The following HK1 variants were observed in gnomAD, a reference collection of about 807,000 sequenced individuals.
HK1 encodes the protein hexokinase-1.
Under a neutral mutation model 91.6 loss-of-function variants are expected in HK1, and 28 were observed. That is an observed-to-expected ratio of 0.31 (90% CI 0.23 to 0.42). The LOEUF (loss-of-function observed/expected upper bound fraction) is 0.42, where lower values mean the gene tolerates loss of function less well. Ranked by LOEUF, HK1 falls within the 10% of genes least tolerant of loss-of-function variation. HK1 has a pLI of 1.00. For synonymous variants in HK1, 430 were observed against 468.1 expected, an observed-to-expected ratio of 0.92 and a Z score of 1.05; for missense variants, 770 against 1,219.8, an observed-to-expected ratio of 0.63 and a Z score of 5.49.
Position 69,369,597 on chromosome 10 carries a change from G to A in HK1, c.848G>A (p.Arg283Gln), listed in dbSNP as rs778352005. ...IRTEFDREID[R>Q]GSLNPGKQLF... Reference sequence around the variant, plus strand: ...ACAGAGTTTGACAGGGAGATAGACCGGGGATCCCTCAACCCTGGAAAACAG... The same window carrying A: ...ACAGAGTTTGACAGGGAGATAGACCAGGGATCCCTCAACCCTGGAAAACAG... Residue 283 changes from arginine to glutamine, a missense_variant, in exon 7 of 18, where the codon CGG (arginine) becomes CAG (glutamine). By Grantham distance (43) the Arg-to-Gln change is conservative. Coordinates refer to ENST00000359426, the MANE Select transcript of HK1 (RefSeq NM_000188.3). This position sits in a 1 kb window ranked among gnomAD's most constrained non-coding sequence, Gnocchi z 4.4. 3 of 1,614,010 alleles carry A rather than the reference G, an allele frequency of 1.9e-6. No individual in the cohort carries two copies. Among genetic ancestry groups the A allele is most frequent in the Non-Finnish European group, 2.5e-6 (3 of 1,180,034 alleles).
intron 3 of HK1, among the ~76,000 whole-genome samples, chr10:69,362,244 TA>T (rs1180375929): frequency 6.6e-6 from 1 of 152,008 alleles, no homozygotes; most frequent in East Asian, 1.9e-4. Context: ...TTTAAATTAT[TA>T]AAAAAATTTT....
At chr10:69,330,031 A>G (rs1039735920) in intron 1 of HK1, among the ~76,000 whole-genome samples, 1 of 152,104 alleles carries the variant, frequency 6.6e-6, no homozygotes, top group African/African-American at 2.4e-5. Flanking sequence ...CAGGAGGGCA[A>G]TGCTTAACCT....
chr10:69,359,802 C>T, intron 2 of HK1, 95 bp from the exon 3 acceptor site: 1 of 1,191,284 alleles, frequency 8.4e-7, no homozygotes, highest in African/African-American at 1.5e-5. Flanking sequence ...CAGGGGGAGG[C>T]AGACAGGGCC....
At chr10:69,308,353 A>T (rs547371068) in intron 5 of HK1, among the ~76,000 whole-genome samples, 65 of 152,284 alleles carry the variant, frequency 4.3e-4, no homozygotes, top group East Asian at 5.8e-4. Flanking sequence ...AGCCAGGAGC[A>T]TCGGCAAGAC....
chr10:69,272,104 T>C (rs1446817423), intron 1 of HK1, among the ~76,000 whole-genome samples: 1 of 152,188 alleles, frequency 6.6e-6, no homozygotes, highest in African/African-American at 2.4e-5. Flanking sequence ...CCTCAGGTGA[T>C]CCGCCTGCCT....
At chr10:69,385,762 C>T (rs115133917) in intron 12 of HK1, among the ~76,000 whole-genome samples, 2 of 152,248 alleles carry the variant, frequency 1.3e-5, no homozygotes, top group Admixed American at 6.5e-5. Context: ...CTTCTGAAAC[C>T]CTTTTAGAGC....
At chr10:69,326,937 TA>T (rs1278869015) in intron 1 of HK1, among the ~76,000 whole-genome samples, 6 of 152,086 alleles carry the variant, frequency 3.9e-5, no homozygotes, top group Non-Finnish European at 8.8e-5. Context: ...TGATCTTTTG[TA>T]AATGGTGCTA....
chr10:69,317,542 G>T (rs1846712884), upstream of HK1, among the ~76,000 whole-genome samples: 1 of 152,220 alleles, frequency 6.6e-6, no homozygotes, highest in Non-Finnish European at 1.5e-5. Context: ...TCAAGAGCTA[G>T]GGTAGAGGTT....
intron 2 of HK1, among the ~76,000 whole-genome samples, chr10:69,345,560 G>A (rs929702603): frequency 1.3e-5 from 2 of 152,094 alleles, no homozygotes; most frequent in African/African-American, 4.8e-5. Context: ...GGGAGGGGAG[G>A]GGGTATGGGC....
At chr10:69,276,090 C>CAA (rs60324656) in intron 1 of HK1, among the ~76,000 whole-genome samples, 363 of 15,932 alleles carry the variant, frequency 0.023, 81 homozygotes, top group Middle Eastern at 0.062. Flanking sequence ...AACTCCTTTT[C>CAA]AAAAAAAAAA....
chr10:69,364,563 G>T (rs937295549), intron 3 of HK1, among the ~76,000 whole-genome samples: 1 of 152,112 alleles, frequency 6.6e-6, no homozygotes. Flanking sequence ...TGCTTCTTAA[G>T]AGCTGTACTT....
chr10:69,313,643 A>T (rs1274637361), upstream of HK1, among the ~76,000 whole-genome samples: 1 of 151,922 alleles, frequency 6.6e-6, no homozygotes, highest in Admixed American at 6.6e-5. Context: ...GATTACAGGC[A>T]TGTGCCACCA....
chr10:69,351,549 C>A (rs1848878070), intron 2 of HK1, among the ~76,000 whole-genome samples: 2 of 149,876 alleles, frequency 1.3e-5, no homozygotes, highest in African/African-American at 2.5e-5. Context: ...AACAAAAAAA[C>A]CCAAAGCTAT....
intron 1 of HK1, among the ~76,000 whole-genome samples, chr10:69,337,572 G>A (rs1255931756): frequency 1.3e-5 from 2 of 152,202 alleles, no homozygotes; most frequent in Non-Finnish European, 2.9e-5. Context: ...CCCAGGACCC[G>A]TTCTCTCTGA....
intron 1 of HK1, among the ~76,000 whole-genome samples, chr10:69,343,439 G>A (rs1423424054): frequency 6.6e-6 from 1 of 152,116 alleles, no homozygotes; most frequent in African/African-American, 2.4e-5. Flanking sequence ...GCCCTTGTTC[G>A]TAGCCTCTCT....
Position 69,401,596 on chromosome 10 carries a change from TG to T in HK1, c.*464del. On this transcript the variant is annotated 3_prime_UTR_variant, in exon 18 of 18. Coordinates refer to ENST00000359426, the MANE Select transcript of HK1 (RefSeq NM_000188.3). ...CGGGGGCACTGCCTGAAGGCGAGTG[TG>T]GGCATAGCATTAGCTGCTTCCTCCC... The T allele has an allele frequency of 2.5e-6, 1 of 394,948 alleles. No homozygotes were observed. The highest frequency in any genetic ancestry group is 1.8e-5 in the South Asian group (1 of 54,490). 24.5% of individuals were successfully genotyped at this position (394,948 alleles called of 1,614,324 possible).
chr10:69,359,953 G>A lies in HK1; in HGVS notation c.283G>A (p.Val95Met), dbSNP rs1376894380. 6.2e-7 allele frequency: 1 copy of A among 1,614,072 alleles called. No homozygotes were observed. Among genetic ancestry groups the A allele is most frequent in the Non-Finnish European group, 8.5e-7 (1 of 1,179,912 alleles). Residue 95 changes from valine (V) to methionine (M), a missense_variant, in exon 3 of 18, where the codon GTG (valine) becomes ATG (methionine). Val to Met is a conservative substitution (Grantham distance 21). Coordinates refer to ENST00000359426, the MANE Select transcript of HK1 (RefSeq NM_000188.3). ...LGGSSFRILR[V>M]QVNHEKNQNV... Reference sequence around the variant, plus strand: ...TGGGTCTTCCTTTCGAATTCTGCGGGTGCAAGTGAATCATGAGAAAAACCA... The same window carrying A: ...TGGGTCTTCCTTTCGAATTCTGCGGATGCAAGTGAATCATGAGAAAAACCA...
chr10:69,306,266 G>A (rs1277395157), intron 5 of HK1, among the ~76,000 whole-genome samples: 1 of 152,084 alleles, frequency 6.6e-6, no homozygotes, highest in African/African-American at 2.4e-5. Flanking sequence ...GCTGAGGCAG[G>A]AGAATGGTGT....
At chr10:69,392,633 G>A (rs1421018403) in intron 15 of HK1, among the ~76,000 whole-genome samples, 2 of 152,184 alleles carry the variant, frequency 1.3e-5, no homozygotes. Flanking sequence ...TGGGGTGAGG[G>A]TGGCTGGGCG....
Sources: allele counts gnomAD v4.1 joint callset (sites outside exome capture counted in the v4.1 genomes callset), GRCh38; gene constraint gnomAD v4.1.1; non-coding constraint Gnocchi (gnomAD v3.1); transcripts MANE v1.5; gene names NCBI Gene and HGNC (gene_info 2026-07-23, HGNC 2026-07-21).